Variants in RSF1 observed in about 807,000 individuals in gnomAD.
The protein encoded by RSF1 is remodeling and spacing factor 1.
Under a neutral mutation model 145.2 loss-of-function variants are expected in RSF1, and 13 were observed. The observed-to-expected ratio is 0.09, with a 90% CI of 0.06 to 0.14. RSF1 has a LOEUF of 0.14. Ranked by LOEUF, RSF1 falls within the 10% of genes least tolerant of loss-of-function variation. RSF1 has a pLI of 1.00. For missense variants in RSF1, 1,517 were observed against 1,718.2 expected (o/e 0.88, Z 2.07); for synonymous variants, 577 against 592.6 (o/e 0.97, Z 0.38).
intron 1 of RSF1, among the ~76,000 whole-genome samples, chr11:77,793,218 G>A (rs755636905): frequency 4.6e-5 from 7 of 152,156 alleles, no homozygotes; most frequent in South Asian, 2.1e-4. Flanking sequence ...AGTGGCTCAC[G>A]CCTGTAATCC....
At chr11:77,856,203 C>T in the RSF1 span, among the ~76,000 whole-genome samples, 3 of 152,200 alleles carry the variant, frequency 2.0e-5, no homozygotes, top group Non-Finnish European at 4.4e-5. Flanking sequence ...GGCAGGGGCA[C>T]AATGCCCCCA....
rs775943822 is a variant in RSF1, at chr11:77,701,540, G to T, written c.1689C>A (p.Thr563=). The T allele has an allele frequency of 6.2e-7, 1 of 1,613,836 alleles. No individual in the cohort carries two copies. The highest frequency in any genetic ancestry group is 2.2e-5 in the East Asian group (1 of 44,876). ...KTALSSTESC[T]MKGEEKSPKT... ...TGGGAGACTTCTCTTCACCTTTCAT[G>T]GTACACGACTCGGTGGAAGATAAAG... Residue 563 remains threonine (T), a synonymous_variant, in exon 6 of 16, where the codon ACC becomes ACA. Transcript: ENST00000308488.
chr11:77,672,559 C>A (rs1959584577), intron 14 of RSF1, among the ~76,000 whole-genome samples: 1 of 149,342 alleles, frequency 6.7e-6, no homozygotes. Context: ...TTACCACATG[C>A]CTGGCCTTTA....
intron 5 of RSF1, among the ~76,000 whole-genome samples, chr11:77,710,855 G>C (rs1306228408): frequency 6.6e-6 from 1 of 152,038 alleles, no homozygotes; most frequent in African/African-American, 2.4e-5. Flanking sequence ...CAAAAGGAAG[G>C]ATACGTATTT....
chr11:77,848,184 T>C, the RSF1 span, among the ~76,000 whole-genome samples: 1 of 152,220 alleles, frequency 6.6e-6, no homozygotes, highest in African/African-American at 2.4e-5. Context: ...AAGATACTTA[T>C]GTGGGACAGT....
the RSF1 span, among the ~76,000 whole-genome samples, chr11:77,832,348 C>T: frequency 2.2e-4 from 33 of 148,966 alleles, no homozygotes; most frequent in East Asian, 1.6e-3. Flanking sequence ...TTTTTTGAGA[C>T]GGCGTTTCGC....
At chr11:77,795,645 G>A (rs1159998324) in intron 1 of RSF1, among the ~76,000 whole-genome samples, 1 of 152,180 alleles carries the variant, frequency 6.6e-6, no homozygotes, top group African/African-American at 2.4e-5. Context: ...AAGTGGTGCT[G>A]AAATAACTGG....
the RSF1 span, among the ~76,000 whole-genome samples, chr11:77,827,563 T>C: frequency 4.6e-5 from 7 of 152,202 alleles, no homozygotes; most frequent in Non-Finnish European, 8.8e-5. Flanking sequence ...GAAAACTCAT[T>C]TGACAAAATT....
At chr11:77,789,111 C>T (rs998328626) in intron 1 of RSF1, among the ~76,000 whole-genome samples, 2 of 152,186 alleles carry the variant, frequency 1.3e-5, no homozygotes, top group Non-Finnish European at 2.9e-5. Flanking sequence ...GCAACCTGCT[C>T]AACCCCCATC....
At chr11:77,674,997 A>T (rs749223382) in intron 14 of RSF1, 39 bp downstream of exon 14, 1 of 1,493,172 alleles carries the variant, frequency 6.7e-7, no homozygotes, top group South Asian at 1.3e-5. Flanking sequence ...AACAAAAAAT[A>T]ATTTATTGAG....
At chr11:77,807,919 G>A (rs1948693051) in intron 1 of RSF1, among the ~76,000 whole-genome samples, 2 of 152,150 alleles carry the variant, frequency 1.3e-5, no homozygotes, top group African/African-American at 4.8e-5. Flanking sequence ...AACACACCCT[G>A]GAGGCATTTG....
At chr11:77,757,663 C>T (rs549939752) in intron 2 of RSF1, among the ~76,000 whole-genome samples, 1 of 150,904 alleles carries the variant, frequency 6.6e-6, no homozygotes, top group Non-Finnish European at 1.5e-5. Context: ...GGCGACAGAG[C>T]GAAACTCCGT....
At chr11:77,719,003 T>C (rs560473199) in intron 5 of RSF1, among the ~76,000 whole-genome samples, 73 of 152,208 alleles carry the variant, frequency 4.8e-4, no homozygotes, top group Middle Eastern at 3.4e-3. Context: ...AATCTTAACA[T>C]GTTGGGAGAT....
intron 1 of RSF1, among the ~76,000 whole-genome samples, chr11:77,783,810 C>G (rs1948428255): frequency 1.3e-5 from 2 of 152,076 alleles, no homozygotes; most frequent in Non-Finnish European, 1.5e-5. Flanking sequence ...CCACTGCACT[C>G]CAGCCTGGGT....
At position 77,675,245 on chromosome 11, in the gene RSF1, T is replaced by G; in HGVS notation, c.3353A>C (p.Glu1118Ala). Residue 1118 changes from glutamate (E) to alanine (A), a missense_variant, in exon 14 of 16, where the codon GAG becomes GCG. Transcript: ENST00000308488. ...EFKISDGSQD[E>A]FVVSDENPDE... is the part of the protein sequence containing the mutation. ...TGGGTTTTCATCAGACACAACAAAC[T>G]CATCTTGAGATCTGTCCAAGAGAAA... The G allele has an allele frequency of 6.2e-7, 1 of 1,612,226 alleles. No homozygotes were observed. Among genetic ancestry groups the G allele is most frequent in the Non-Finnish European group, 8.5e-7 (1 of 1,179,504 alleles).
At chr11:77,705,471 T>C (rs76568721) in intron 5 of RSF1, among the ~76,000 whole-genome samples, 2,151 of 152,356 alleles carry the variant, frequency 0.014, 52 homozygotes, top group African/African-American at 0.047. Flanking sequence ...CACTCTGTAA[T>C]GATACATTGA....
the RSF1 span, among the ~76,000 whole-genome samples, chr11:77,834,599 C>A: frequency 6.6e-6 from 1 of 152,048 alleles, no homozygotes; most frequent in Admixed American, 6.6e-5. Context: ...ATTTTTGGTA[C>A]ATATGGGTTT....
At chr11:77,842,720 T>C in the RSF1 span, 26 of 1,521,476 alleles carry the variant, frequency 1.7e-5, no homozygotes, top group Non-Finnish European at 2.3e-5. Flanking sequence ...AAACTATTTC[T>C]CTTGTGTCTT....
At chr11:77,843,322 G>A in the RSF1 span, among the ~76,000 whole-genome samples, 1 of 152,130 alleles carries the variant, frequency 6.6e-6, no homozygotes, top group Non-Finnish European at 1.5e-5. Flanking sequence ...TCCTTTCCAT[G>A]AGTGTAAGTT....
Sources: gnomAD v4.1 joint callset for allele counts (sites outside exome capture counted in the v4.1 genomes callset) on GRCh38, gnomAD v4.1.1 for gene constraint, MANE v1.5 for transcripts, NCBI Gene and HGNC (gene_info 2026-07-23, HGNC 2026-07-21) for gene names.